CDC42EP4: variants seen among roughly 807,000 people sequenced by gnomAD.
CDC42EP4 encodes CDC42 effector protein 4.
Under a neutral mutation model 5.6 loss-of-function variants are expected in CDC42EP4, and 6 were observed. The ratio of observed to expected loss-of-function variants is 1.07; its 90% CI spans 0.59 to 2.12. The LOEUF is 2.12. Among genes scored for constraint, CDC42EP4 ranks in the 30% most tolerant of loss-of-function variants. The pLI, the probability that CDC42EP4 is intolerant of heterozygous loss-of-function variation, is 0.00. For missense variants in CDC42EP4, 490 were observed against 508.6 expected, an observed-to-expected ratio of 0.96 and a Z score of 0.35; for synonymous variants, 230 against 224.2, an observed-to-expected ratio of 1.03 and a Z score of -0.23.
At chr17:73,297,606 GAAGTT>G (rs1207329476) in intron 1 of CDC42EP4, among the ~76,000 whole-genome samples, 6 of 152,162 alleles carry the variant, frequency 3.9e-5, no homozygotes, top group Admixed American at 1.3e-4. Context: ...GAGAAATTAA[GAAGTT>G]ATGTTAGCCT....
At chr17:73,306,555 A>T (rs1599443349) in intron 1 of CDC42EP4, 1 of 152,182 alleles carries the variant, frequency 6.6e-6, no homozygotes, top group Non-Finnish European at 1.5e-5. Context: ...AATAAAATAT[A>T]ATCTGATCTT....
chr17:73,288,110 C>T (rs1220048745), intron 1 of CDC42EP4, among the ~76,000 whole-genome samples: 2 of 152,182 alleles, frequency 1.3e-5, no homozygotes, highest in Non-Finnish European at 2.9e-5. Flanking sequence ...AGCTGGGACA[C>T]ATCACTACTC....
chr17:73,298,279 G>A (rs920886788), intron 1 of CDC42EP4, among the ~76,000 whole-genome samples: 1 of 152,184 alleles, frequency 6.6e-6, no homozygotes, highest in Non-Finnish European at 1.5e-5. Context: ...GAGGAAGTGG[G>A]CAAGCTTTAT....
At chr17:73,293,604 A>G (rs540989078) in intron 1 of CDC42EP4, among the ~76,000 whole-genome samples, 1 of 152,302 alleles carries the variant, frequency 6.6e-6, no homozygotes, top group South Asian at 2.1e-4. Flanking sequence ...GCATTCTGCT[A>G]CACAAGGCTT....
intron 1 of CDC42EP4, among the ~76,000 whole-genome samples, chr17:73,293,571 T>G (rs923205703): frequency 6.6e-6 from 1 of 152,168 alleles, no homozygotes; most frequent in Non-Finnish European, 1.5e-5. Flanking sequence ...TAGGCGGAAC[T>G]TCACTTTGCC....
At chr17:73,301,164 C>A (rs2062217619) in intron 1 of CDC42EP4, among the ~76,000 whole-genome samples, 1 of 151,740 alleles carries the variant, frequency 6.6e-6, no homozygotes, top group Non-Finnish European at 1.5e-5. Context: ...TATAAAATAT[C>A]TCATTAATAT....
Position 73,286,593 on chromosome 17 carries a change from G to T in CDC42EP4, c.-93C>A. 1 of 843,888 alleles carries T rather than the reference G, an allele frequency of 1.2e-6. No individual in the cohort carries two copies. The highest frequency in any genetic ancestry group is 1.8e-6 in the Non-Finnish European group (1 of 554,450). 52.3% of individuals were successfully genotyped at this position (843,888 alleles called of 1,614,324 possible). On this transcript the variant is annotated 5_prime_UTR_variant, in exon 2 of 2. Coordinates refer to ENST00000335793, the MANE Select transcript of CDC42EP4 (RefSeq NM_012121.5). The surrounding 1 kb of genome is among the most constrained non-coding windows in gnomAD (Gnocchi z 7.7). Reference sequence around the variant, plus strand: ...CCAAGTCCAGTGGGCAGAGGGGGACGCAATGAGGAGATCATAAGGCTGCAA... The same window carrying T: ...CCAAGTCCAGTGGGCAGAGGGGGACTCAATGAGGAGATCATAAGGCTGCAA...
intron 1 of CDC42EP4, among the ~76,000 whole-genome samples, chr17:73,297,372 G>A (rs1313251037): frequency 1.3e-5 from 2 of 151,764 alleles, no homozygotes; most frequent in Non-Finnish European, 2.9e-5. Flanking sequence ...TACACGGGAG[G>A]CTGAGGCAGG....
In CDC42EP4 at chr17:73,286,189, G is replaced by A; in HGVS notation, c.312C>T (p.Gly104=). The A allele has an allele frequency of 6.2e-7, 1 of 1,614,144 alleles. No homozygotes were observed. Among genetic ancestry groups the A allele is most frequent in the Non-Finnish European group, 8.5e-7 (1 of 1,180,044 alleles). The change falls in exon 2 of 2, where the codon GGC becomes GGT. Residue 104 remains glycine, a synonymous_variant. Transcript: ENST00000335793. The surrounding 1 kb of genome is among the most constrained non-coding windows in gnomAD (Gnocchi z 7.7). ...RGEREQRDML[G]SLRDSALFVK... ...CAAACAGGGCCGAGTCCCGCAGGGAGCCCAGCATGTCACGCTGCTCCCGCT... is the reference window on the plus strand; with the variant it reads ...CAAACAGGGCCGAGTCCCGCAGGGAACCCAGCATGTCACGCTGCTCCCGCT...
At position 73,289,566 on chromosome 17, in the gene CDC42EP4, A is replaced by G. The variant is rs1276221470; in HGVS notation, c.-112-2954T>C. Among the ~76,000 whole-genome samples the G allele has an allele frequency of 1.4e-4, 19 of 138,350 alleles. 1 individual carries two copies. Among genetic ancestry groups the G allele is most frequent in the Admixed American group, 1.4e-3 (19 of 13,976 alleles). 90.8% of individuals were successfully genotyped at this position (138,350 alleles called of 152,430 possible). ...GTATCTTTTGTAATAAACCAGTAAA[A>G]GAAAAAAAACCACCAAAAAGCCACA... On this transcript the variant is annotated intron_variant, in intron 1 of 1. Coordinates refer to ENST00000335793, the MANE Select transcript of CDC42EP4 (RefSeq NM_012121.5).
chr17:73,285,727 C>T lies in CDC42EP4; in HGVS notation c.774G>A (p.Ala258=), dbSNP rs149421063. ...TITQAPPYAV[A]APPLARQEGK... ...CTTCCTGCCTTGCCAGGGGAGGGGC[C>T]GCCACGGCGTACGGGGGAGCCTGGG... The change falls in exon 2 of 2, where the codon GCG becomes GCA. Residue 258 remains alanine, a synonymous_variant. Coordinates refer to ENST00000335793, the MANE Select transcript of CDC42EP4 (RefSeq NM_012121.5). This position sits in a 1 kb window ranked among gnomAD's most constrained non-coding sequence, Gnocchi z 6.8. The T allele has an allele frequency of 8.9e-6, 14 of 1,575,556 alleles. No homozygotes were observed. Among genetic ancestry groups the T allele is most frequent in the Middle Eastern group, 1.7e-4 (1 of 5,920 alleles).
chr17:73,288,221 C>T (rs117623486), intron 1 of CDC42EP4, among the ~76,000 whole-genome samples: 1,816 of 152,148 alleles, frequency 0.012, 20 homozygotes, highest in Non-Finnish European at 0.018. Flanking sequence ...GCTGGCTGGA[C>T]TCTCATCTTC....
intron 1 of CDC42EP4, chr17:73,306,627 T>A (rs1407138256): frequency 2.0e-5 from 3 of 152,270 alleles, no homozygotes; most frequent in Non-Finnish European, 2.9e-5. Flanking sequence ...CCCTAGGCTC[T>A]TTTTGGGCTC....
intron 1 of CDC42EP4, among the ~76,000 whole-genome samples, chr17:73,291,805 C>T (rs1486108319): frequency 6.6e-6 from 1 of 152,186 alleles, no homozygotes; most frequent in Non-Finnish European, 1.5e-5. Flanking sequence ...ACAGATTCCT[C>T]TACCCTCAGC....
At chr17:73,304,012 A>AG (rs755318310) in intron 1 of CDC42EP4, among the ~76,000 whole-genome samples, 3 of 152,356 alleles carry the variant, frequency 2.0e-5, no homozygotes, top group Non-Finnish European at 4.4e-5. Flanking sequence ...CTCATTATCA[A>AG]GAACACTCCG....
intron 1 of CDC42EP4, among the ~76,000 whole-genome samples, chr17:73,289,715 C>A (rs929166275): frequency 9.3e-5 from 5 of 53,896 alleles, no homozygotes; most frequent in Non-Finnish European, 1.2e-4. Flanking sequence ...CTGAAGAAAA[C>A]AGGAAGGGAG....
intron 1 of CDC42EP4, among the ~76,000 whole-genome samples, chr17:73,310,509 T>C (rs1053752693): frequency 1.3e-5 from 2 of 151,850 alleles, no homozygotes; most frequent in African/African-American, 4.8e-5. Context: ...TGCTCAGCTA[T>C]CTGGGCAAAC....
chr17:73,287,561 T>A (rs1158299927), intron 1 of CDC42EP4, among the ~76,000 whole-genome samples: 3 of 152,244 alleles, frequency 2.0e-5, no homozygotes, highest in Admixed American at 6.5e-5. Flanking sequence ...AAGTTGAAGT[T>A]CAGCATTGGG....
At chr17:73,289,034 T>C (rs2062147867) in intron 1 of CDC42EP4, among the ~76,000 whole-genome samples, 1 of 152,186 alleles carries the variant, frequency 6.6e-6, no homozygotes, top group Non-Finnish European at 1.5e-5. Context: ...TAACTTGGAT[T>C]ATCTCTGGGC....
Sources: allele counts gnomAD v4.1 joint callset (sites outside exome capture counted in the v4.1 genomes callset), GRCh38; gene constraint gnomAD v4.1.1; non-coding constraint Gnocchi (gnomAD v3.1); transcripts MANE v1.5; gene names NCBI Gene and HGNC (gene_info 2026-07-23, HGNC 2026-07-21).